TMEM236: variants seen among roughly 807,000 people sequenced by gnomAD.
TMEM236 encodes transmembrane protein 236, also known as family with sequence similarity 23, member A.
TMEM236 carries 11 observed loss-of-function variants against 14.7 expected under a neutral mutation model. The ratio of observed to expected loss-of-function variants is 0.75; its 90% CI spans 0.47 to 1.24. The LOEUF is 1.24. TMEM236 is among the 50% of genes most tolerant of loss of function. TMEM236 has a pLI of 0.00. For synonymous variants in TMEM236, 182 were observed against 168.6 expected (o/e 1.08, Z -0.62); for missense variants, 464 against 427.3 (o/e 1.09, Z -0.76).
intron 3 of TMEM236, among the ~76,000 whole-genome samples, chr10:17,784,092 G>A (rs1230722721): frequency 6.6e-6 from 1 of 152,024 alleles, no homozygotes; most frequent in East Asian, 1.9e-4. Flanking sequence ...TTTAAATTTT[G>A]ATGTCATCCA....
At position 17,781,801 on chromosome 10, in the gene TMEM236, G is replaced by C. The variant is rs868907024; in HGVS notation, c.472+5631G>C. 2.3e-4 allele frequency among the ~76,000 whole-genome samples: 34 copies of C among 150,962 alleles called. 1 individual carries two copies. Among genetic ancestry groups the C allele is most frequent in the South Asian group, 2.1e-3 (10 of 4,744 alleles). On this transcript the variant is annotated intron_variant, in intron 3 of 3. Coordinates refer to ENST00000377495, the MANE Select transcript of TMEM236 (RefSeq NM_001098844.3). ...ATTTGCATGCGTGTGTGTGTTGTAT[G>C]TGTGTGTTTGGGAGAAGGGAGAGCT...
rs952243504 is a variant in TMEM236, at chr10:17,795,559, A to C, written c.473-362A>C. 7.2e-5 allele frequency among the ~76,000 whole-genome samples: 11 copies of C among 152,310 alleles called. No homozygotes were observed. The South Asian group carries it at 2.1e-3, about 29-fold the overall frequency. ...GACACCAAGAGCCTTCTCCACCTCT[A>C]TGTTTTTTCAATGTGCTACTTCAGT... On this transcript the variant is annotated intron_variant, in intron 3 of 3. Transcript: ENST00000377495.
At chr10:17,762,618 T>TATAC (rs1837389497) in intron 1 of TMEM236, among the ~76,000 whole-genome samples, 1 of 63,936 alleles carries the variant, frequency 1.6e-5, no homozygotes, top group Non-Finnish European at 2.7e-5. Context: ...TATATATATA[T>TATAC]ACACACATAC....
At chr10:17,790,173 T>A (rs1244439891) in intron 3 of TMEM236, among the ~76,000 whole-genome samples, 7 of 152,076 alleles carry the variant, frequency 4.6e-5, no homozygotes, top group African/African-American at 1.7e-4. Flanking sequence ...AAAGCTGCAA[T>A]GAGCCAGGAT....
In TMEM236 at chr10:17,782,434, A is replaced by C. The variant is rs971268556; in HGVS notation, c.472+6264A>C. ...TTAATGTATGGTGGGCATCATTCTC[A>C]TTATTACATCTTCTTTTTGTTTTAT... is the stretch of plus-strand genomic sequence containing the variant. On this transcript the variant is annotated intron_variant, in intron 3 of 3. Coordinates refer to ENST00000377495, the MANE Select transcript of TMEM236 (RefSeq NM_001098844.3). 2.0e-4 allele frequency among the ~76,000 whole-genome samples: 31 copies of C among 151,870 alleles called. No individual in the cohort carries two copies. In the East Asian group the frequency reaches 5.8e-3, roughly 29 times the overall value.
chr10:17,752,324 T>A lies in TMEM236; in HGVS notation c.29T>A (p.Val10Glu). 6.2e-7 allele frequency: 1 copy of A among 1,613,844 alleles called. No homozygotes were observed. Among genetic ancestry groups the A allele is most frequent in the Non-Finnish European group, 8.5e-7 (1 of 1,179,842 alleles). Residue 10 changes from valine to glutamate, a missense_variant, in exon 1 of 4, where the codon GTG (valine) becomes GAG (glutamate). By Grantham distance (121) the Val-to-Glu change is moderately radical (BLOSUM62 -2). Transcript: ENST00000377495. ...GCTTCTGGAAGGCTCATTAAGTTCG[T>A]GGTTTTTGAGCTCCTAGAGTTTGCC... is the stretch of plus-strand genomic sequence containing the variant. The part of the protein sequence containing the change: MASGRLIKF[V>E]VFELLEFAAF...
At chr10:17,752,642 C>T in intron 1 of TMEM236, 90 bp downstream of exon 1, 1 of 1,310,880 alleles carries the variant, frequency 7.6e-7, no homozygotes, top group South Asian at 1.2e-5. Flanking sequence ...TCTTGGCTCA[C>T]TGCAACGTCC....
chr10:17,784,848 G>GT, intron 3 of TMEM236, among the ~76,000 whole-genome samples: 1 of 152,322 alleles, frequency 6.6e-6, no homozygotes, highest in Admixed American at 6.5e-5. Context: ...GGTAACTGCT[G>GT]TGGGGAATGG....
At chr10:17,792,083 T>TTTAA (rs1246954587) in intron 3 of TMEM236, among the ~76,000 whole-genome samples, 51,198 of 151,378 alleles carry the variant, frequency 0.34, 8,846 homozygotes, top group East Asian at 0.39. Flanking sequence ...TTTCTTCCTC[T>TTTAA]TTAATTAATT....
intron 3 of TMEM236, among the ~76,000 whole-genome samples, chr10:17,788,783 C>T (rs1837876926): frequency 6.6e-6 from 1 of 152,124 alleles, no homozygotes. Flanking sequence ...ATTTACTGGA[C>T]AACAATCTCA....
chr10:17,768,037 A>G (rs1589143148), intron 1 of TMEM236, among the ~76,000 whole-genome samples: 1 of 149,436 alleles, frequency 6.7e-6, no homozygotes, highest in Non-Finnish European at 1.5e-5. Context: ...CAGCCTCCCA[A>G]GTAGCTGCGA....
chr10:17,767,551 T>G (rs893880801), intron 1 of TMEM236, among the ~76,000 whole-genome samples: 2 of 152,176 alleles, frequency 1.3e-5, no homozygotes, highest in Non-Finnish European at 2.9e-5. Flanking sequence ...AACATAGACT[T>G]GGGTTGTATT....
intron 3 of TMEM236, among the ~76,000 whole-genome samples, chr10:17,794,857 GAAA>G (rs1837984983): frequency 6.6e-6 from 1 of 152,018 alleles, no homozygotes. Flanking sequence ...GGCCAACATG[GAAA>G]CCCCGTCTCT....
chr10:17,759,416 A>G (rs1837324856), intron 1 of TMEM236, among the ~76,000 whole-genome samples: 1 of 152,176 alleles, frequency 6.6e-6, no homozygotes, highest in African/African-American at 2.4e-5. Context: ...AATTCAGACT[A>G]TGAACACGTC....
rs1448042791 is a variant in TMEM236 at position 17,786,512 on chromosome 10, CT to C, written c.473-9408del. ...GTGCTGAGATTACAAGCATGAGCCC[CT>C]GGCTCAGCTGATGTTCTTGATCATT... On this transcript the variant is annotated intron_variant, in intron 3 of 3. Transcript: ENST00000377495. Among the ~76,000 whole-genome samples the C allele has an allele frequency of 3.3e-5, 5 of 152,332 alleles. No homozygotes were observed. In the East Asian group the frequency reaches 5.8e-4, roughly 18 times the overall value.
intron 1 of TMEM236, among the ~76,000 whole-genome samples, chr10:17,766,489 C>G (rs2461179): frequency 0.31 from 47,227 of 152,060 alleles, 7,595 homozygotes; most frequent in East Asian, 0.42. Context: ...TATCCCTCCT[C>G]TTTTCTTTCT....
intron 3 of TMEM236, among the ~76,000 whole-genome samples, chr10:17,787,762 A>C (rs1837862532): frequency 6.6e-6 from 1 of 152,198 alleles, no homozygotes; most frequent in Admixed American, 6.5e-5. Context: ...CAGGGCTCTT[A>C]AACTACACTA....
In TMEM236 at chr10:17,771,333, G is replaced by A. The variant is rs781924916; in HGVS notation, c.282G>A (p.Val94=). The A allele has an allele frequency of 4.2e-5, 68 of 1,613,772 alleles. No individual in the cohort carries two copies. In the Admixed American group the frequency reaches 1.1e-3, roughly 27 times the overall value. Reference sequence around the variant, plus strand: ...GGAGACCTGTTCTGATGATGTGTGTGGTCCTCACCACACTGCCCTGCCTCA... The same window carrying A: ...GGAGACCTGTTCTGATGATGTGTGTAGTCCTCACCACACTGCCCTGCCTCA... ...KGWRPVLMMC[V]VLTTLPCLTF... Residue 94 remains valine (V), a synonymous_variant, in exon 2 of 4, where the codon GTG becomes GTA. Coordinates refer to ENST00000377495, the MANE Select transcript of TMEM236 (RefSeq NM_001098844.3).
intron 1 of TMEM236, among the ~76,000 whole-genome samples, chr10:17,769,185 C>T (rs1837528089): frequency 6.6e-6 from 1 of 152,140 alleles, no homozygotes; most frequent in Non-Finnish European, 1.5e-5. Context: ...CAACAGGAAA[C>T]CAGTTAGGAA....
Sources: allele counts gnomAD v4.1 joint callset (sites outside exome capture counted in the v4.1 genomes callset), GRCh38; gene constraint gnomAD v4.1.1; transcripts MANE v1.5; gene names NCBI Gene and HGNC (gene_info 2026-07-23, HGNC 2026-07-21).